Variants in PDE1C observed in about 807,000 individuals in gnomAD.
PDE1C encodes dual specificity calcium/calmodulin-dependent 3',5'-cyclic nucleotide phosphodiesterase 1C.
PDE1C carries 62 observed loss-of-function variants against 93.1 expected under a neutral mutation model. The observed-to-expected ratio is 0.67, with a 90% CI of 0.54 to 0.82. The LOEUF is 0.82. Among genes scored for constraint, PDE1C ranks in the 40% least tolerant of loss-of-function variants. The probability of loss-of-function intolerance (pLI) is 0.00; values close to 1 mark genes in which losing one functional copy is unlikely to be tolerated. For missense variants in PDE1C, 742 were observed against 884.6 expected (o/e 0.84, Z 2.04); for synonymous variants, 325 against 310.1 (o/e 1.05, Z -0.50).
chr7:31,742,344 C>T, the PDE1C span, among the ~76,000 whole-genome samples: 1 of 152,306 alleles, frequency 6.6e-6, no homozygotes, highest in Non-Finnish European at 1.5e-5. Context: ...TATGCAGTTT[C>T]TGTTTCTTTT....
At chr7:32,273,984 C>A (rs1443649009) in intron 1 of PDE1C, among the ~76,000 whole-genome samples, 2 of 152,084 alleles carry the variant, frequency 1.3e-5, no homozygotes, top group African/African-American at 2.4e-5. Context: ...ATTCTCATTA[C>A]AAAAGTGGAG....
chr7:32,253,856 A>T (rs187935474), intron 1 of PDE1C, among the ~76,000 whole-genome samples: 45 of 152,320 alleles, frequency 3.0e-4, no homozygotes, highest in South Asian at 4.1e-4. Context: ...TTGATCAGAG[A>T]TCAATGACTG....
At chr7:31,815,360 C>A (rs746655957) in intron 15 of PDE1C, among the ~76,000 whole-genome samples, 1 of 152,110 alleles carries the variant, frequency 6.6e-6, no homozygotes, top group Non-Finnish European at 1.5e-5. Flanking sequence ...TATAAGAAAT[C>A]AATAACTATA....
At chr7:31,847,150 A>G (rs916530966) in intron 9 of PDE1C, among the ~76,000 whole-genome samples, 4 of 152,190 alleles carry the variant, frequency 2.6e-5, no homozygotes, top group African/African-American at 9.6e-5. Context: ...GGCTTGCTAT[A>G]TATGAGACAA....
chr7:32,292,514 T>C (rs1212958879), intron 1 of PDE1C, among the ~76,000 whole-genome samples: 9 of 152,338 alleles, frequency 5.9e-5, no homozygotes, highest in Non-Finnish European at 2.9e-5. Context: ...CTAGTAAGTG[T>C]TCTAGTTGCA....
intron 3 of PDE1C, among the ~76,000 whole-genome samples, chr7:32,094,416 G>C (rs1244299378): frequency 6.6e-6 from 1 of 152,176 alleles, no homozygotes; most frequent in Non-Finnish European, 1.5e-5. Flanking sequence ...ATGATATTTT[G>C]CTTGACTGTA....
At position 32,214,672 on chromosome 7, in the gene PDE1C, C is replaced by T. The variant is rs73106537; in HGVS notation, c.86-5133G>A. The stretch of plus-strand genomic sequence containing the variant: ...CTGTTGCTTTGTCAAAATCCTGAAT[C>T]GAGCGAGGTATATCTCTGCTTTAAG... On this transcript the variant is annotated intron_variant, in intron 1 of 18. Coordinates refer to the PDE1C transcript ENST00000396193. Among the ~76,000 whole-genome samples the T allele has an allele frequency of 7.1e-3, 1,080 of 152,274 alleles. 5 individuals are homozygous for T. The highest frequency in any genetic ancestry group is 0.011 in the Non-Finnish European group (753 of 68,020).
At chr7:31,727,111 T>G in the PDE1C span, among the ~76,000 whole-genome samples, 4 of 152,102 alleles carry the variant, frequency 2.6e-5, no homozygotes, top group African/African-American at 9.7e-5. Flanking sequence ...AGCATCCAAT[T>G]CAGAACAAAG....
intron 1 of PDE1C, among the ~76,000 whole-genome samples, chr7:32,381,152 C>T (rs1784526614): frequency 6.6e-6 from 1 of 151,656 alleles, no homozygotes; most frequent in Admixed American, 6.6e-5. Context: ...TCTTACCCCA[C>T]ATCCCTCTAC....
chr7:31,896,166 C>T (rs1799307003), intron 2 of PDE1C, among the ~76,000 whole-genome samples: 1 of 152,088 alleles, frequency 6.6e-6, no homozygotes, highest in Admixed American at 6.5e-5. Flanking sequence ...CACTCAGCAA[C>T]TCCTTAGTGG....
chr7:31,959,172 G>A (rs1808554290), intron 2 of PDE1C, among the ~76,000 whole-genome samples: 1 of 151,742 alleles, frequency 6.6e-6, no homozygotes, highest in Non-Finnish European at 1.5e-5. Context: ...CATAATTTTG[G>A]TCAATTTGTT....
At chr7:32,323,398 G>A (rs1783336641) in intron 1 of PDE1C, among the ~76,000 whole-genome samples, 1 of 152,156 alleles carries the variant, frequency 6.6e-6, no homozygotes, top group African/African-American at 2.4e-5. Context: ...TCAAGAGCCA[G>A]TCTGAGCTAG....
intron 2 of PDE1C, among the ~76,000 whole-genome samples, chr7:32,035,276 C>T (rs1467320402): frequency 6.6e-6 from 1 of 152,114 alleles, no homozygotes; most frequent in Admixed American, 6.6e-5. Context: ...GACATTCCAA[C>T]CCCACAATAA....
intron 1 of PDE1C, among the ~76,000 whole-genome samples, chr7:32,379,516 C>T (rs1195508636): frequency 6.6e-6 from 1 of 152,118 alleles, no homozygotes; most frequent in East Asian, 1.9e-4. Context: ...AAAAAAGCAG[C>T]CCAATTCCAC....
rs1351646421 is a variant in PDE1C at position 32,087,177 on chromosome 7, A to G, written c.308+82608T>C. Among the ~76,000 whole-genome samples, 5 of 150,326 alleles carry G rather than the reference A, an allele frequency of 3.3e-5. No homozygotes were observed. The East Asian group carries it at 9.7e-4, about 29-fold the overall frequency. On this transcript the variant is annotated intron_variant, in intron 3 of 18. Transcript: ENST00000396193. ...TTACAAGAAAAAAACAACCCCATCAAAAAGTGGGCGAAGGATATGAATAGA... is the reference window on the plus strand; with the variant it reads ...TTACAAGAAAAAAACAACCCCATCAGAAAGTGGGCGAAGGATATGAATAGA...
intron 2 of PDE1C, among the ~76,000 whole-genome samples, chr7:31,903,617 G>A (rs1191933577): frequency 6.6e-6 from 1 of 151,950 alleles, no homozygotes; most frequent in Non-Finnish European, 1.5e-5. Flanking sequence ...ACTCTAGTCA[G>A]CCTGGAATGT....
chr7:31,673,631 G>T, the PDE1C span, among the ~76,000 whole-genome samples: 2 of 151,062 alleles, frequency 1.3e-5, no homozygotes, highest in Non-Finnish European at 2.9e-5. Flanking sequence ...TTTTCTTGTG[G>T]TAATTTTATG....
At chr7:31,815,150 G>C (rs1213788093) in intron 15 of PDE1C, among the ~76,000 whole-genome samples, 1 of 152,050 alleles carries the variant, frequency 6.6e-6, no homozygotes, top group Non-Finnish European at 1.5e-5. Flanking sequence ...AAAAGCTAAT[G>C]TGTTTTTCTC....
At chr7:31,769,559 T>A (rs1157337329) in intron 17 of PDE1C, among the ~76,000 whole-genome samples, 5 of 152,234 alleles carry the variant, frequency 3.3e-5, no homozygotes, top group Admixed American at 3.3e-4. Context: ...GAGAAGTAGT[T>A]TATGGCAATT....
Sources: allele counts gnomAD v4.1 joint callset (sites outside exome capture counted in the v4.1 genomes callset), GRCh38; gene constraint gnomAD v4.1.1; transcripts MANE v1.5; gene names NCBI Gene and HGNC (gene_info 2026-07-23, HGNC 2026-07-21).